Variants in BPTF observed in about 807,000 individuals in gnomAD.
The protein encoded by BPTF is nucleosome-remodeling factor subunit BPTF.
In BPTF, 18 loss-of-function variants were observed where a neutral mutation model predicts 292.5. That is an observed-to-expected ratio of 0.06 (90% CI 0.04 to 0.09). The LOEUF is 0.09. Ranked by LOEUF, BPTF falls within the 10% of genes least tolerant of loss-of-function variation. BPTF has a pLI of 1.00. For missense variants in BPTF, 2,726 were observed against 3,498.7 expected, an observed-to-expected ratio of 0.78 and a Z score of 5.57; for synonymous variants, 1,225 against 1,251.9, an observed-to-expected ratio of 0.98 and a Z score of 0.45.
At chr17:67,931,549 A>G (rs925569902) in intron 17 of BPTF, among the ~76,000 whole-genome samples, 1 of 152,188 alleles carries the variant, frequency 6.6e-6, no homozygotes, top group African/African-American at 2.4e-5. Context: ...TCTTCCTGTT[A>G]TATTCTGTGG....
chr17:67,912,822 C>T lies in BPTF; in HGVS notation c.4938C>T (p.Ile1646=). The change falls in exon 11 of 28, where the codon ATC becomes ATT. Residue 1646 remains isoleucine, a synonymous_variant. Coordinates refer to ENST00000306378, the MANE Select transcript of BPTF (RefSeq NM_182641.4). The part of the protein sequence containing the change: ...STPSTGGSVD[I]ISVKEQSKTV... ...CCTCCACAGGCGGCAGTGTGGACAT[C>T]ATCTCTGTAAAGGAGCAGAGCAAAA... The T allele has an allele frequency of 6.2e-7, 1 of 1,614,186 alleles. No homozygotes were observed. The highest frequency in any genetic ancestry group is 8.5e-7 in the Non-Finnish European group (1 of 1,180,014).
intron 26 of BPTF, among the ~76,000 whole-genome samples, chr17:67,968,782 G>A (rs1384587163): frequency 9.1e-5 from 5 of 54,862 alleles, no homozygotes; most frequent in East Asian, 1.4e-3. Flanking sequence ...AGCGAGACAC[G>A]TCTCAAAAAA....
chr17:67,917,203 G>A (rs2063094641), intron 11 of BPTF, among the ~76,000 whole-genome samples: 1 of 147,986 alleles, frequency 6.8e-6, no homozygotes, highest in Non-Finnish European at 1.5e-5. Flanking sequence ...AGCGATCTCG[G>A]CTCACTGCAA....
intron 2 of BPTF, among the ~76,000 whole-genome samples, chr17:67,860,668 A>T (rs1175619311): frequency 6.6e-6 from 1 of 152,212 alleles, no homozygotes; most frequent in Non-Finnish European, 1.5e-5. Flanking sequence ...ACCAGATTAG[A>T]TTAGCATGTT....
intron 23 of BPTF, among the ~76,000 whole-genome samples, chr17:67,953,166 T>C (rs2066549156): frequency 6.6e-6 from 1 of 152,116 alleles, no homozygotes; most frequent in African/African-American, 2.4e-5. Context: ...TTTCACCATG[T>C]TAGCCAGGAT....
intron 4 of BPTF, chr17:67,886,270 T>C: frequency 1.2e-6 from 2 of 1,613,942 alleles, no homozygotes; most frequent in Non-Finnish European, 1.7e-6. Context: ...ATCCTGAAAA[T>C]GGAGAAAGAG....
At chr17:67,838,186 A>C (rs1183163211) in intron 1 of BPTF, among the ~76,000 whole-genome samples, 1 of 152,254 alleles carries the variant, frequency 6.6e-6, no homozygotes, top group African/African-American at 2.4e-5. Flanking sequence ...ACAAATGAGC[A>C]TGGCTGCTTT....
chr17:67,852,996 G>A (rs1309918810), intron 1 of BPTF, among the ~76,000 whole-genome samples: 1 of 152,212 alleles, frequency 6.6e-6, no homozygotes, highest in African/African-American at 2.4e-5. Context: ...AATTAGCTGG[G>A]GTGGTGGCGC....
intron 1 of BPTF, among the ~76,000 whole-genome samples, chr17:67,843,160 A>G (rs1390015769): frequency 4.7e-5 from 7 of 148,966 alleles, no homozygotes; most frequent in Admixed American, 3.3e-4. Flanking sequence ...ATATATATCT[A>G]CATATATAGA....
At chr17:67,897,173 A>C (rs551564123) in intron 7 of BPTF, among the ~76,000 whole-genome samples, 7 of 149,546 alleles carry the variant, frequency 4.7e-5, no homozygotes, top group Non-Finnish European at 7.4e-5. Context: ...CTTAAAAAAA[A>C]CAAAAACAAA....
intron 11 of BPTF, among the ~76,000 whole-genome samples, chr17:67,916,635 G>A (rs781461878): frequency 2.6e-5 from 4 of 151,822 alleles, no homozygotes; most frequent in Non-Finnish European, 4.4e-5. Flanking sequence ...ATGTTTGGGC[G>A]GGCGCCTGTA....
At chr17:67,941,919 A>G (rs2065398051) in intron 19 of BPTF, among the ~76,000 whole-genome samples, 1 of 152,246 alleles carries the variant, frequency 6.6e-6, no homozygotes, top group Admixed American at 6.5e-5. Context: ...ATGAGAAAAG[A>G]ACCAACCAAG....
intron 23 of BPTF, among the ~76,000 whole-genome samples, chr17:67,949,717 A>C (rs2066131254): frequency 6.6e-6 from 1 of 151,960 alleles, no homozygotes; most frequent in South Asian, 2.1e-4. Context: ...GTATATATAT[A>C]ATTTACACAT....
At chr17:67,843,933 TTTATTA>T (rs1186615001) in intron 1 of BPTF, among the ~76,000 whole-genome samples, 2 of 149,600 alleles carry the variant, frequency 1.3e-5, no homozygotes, top group East Asian at 3.9e-4. Flanking sequence ...GGCCGGCTAA[TTTATTA>T]TTATTAGTAG....
chr17:67,968,781 C>T (rs1303995761), intron 26 of BPTF, among the ~76,000 whole-genome samples: 1 of 74,124 alleles, frequency 1.3e-5, no homozygotes, highest in Non-Finnish European at 3.1e-5. Context: ...GAGCGAGACA[C>T]GTCTCAAAAA....
At chr17:67,968,319 G>A (rs2068356953) in intron 26 of BPTF, among the ~76,000 whole-genome samples, 2 of 151,068 alleles carry the variant, frequency 1.3e-5, no homozygotes, top group African/African-American at 4.9e-5. Flanking sequence ...ACGTAATGAA[G>A]TAGTTATTAT....
chr17:67,943,030 TTA>T (rs2065507879), intron 19 of BPTF, among the ~76,000 whole-genome samples: 1 of 152,124 alleles, frequency 6.6e-6, no homozygotes. Context: ...CTCAGTGGCC[TTA>T]TATATACCTA....
chr17:67,938,647 A>G (rs1365124669), intron 18 of BPTF, among the ~76,000 whole-genome samples: 1 of 152,342 alleles, frequency 6.6e-6, no homozygotes, highest in East Asian at 1.9e-4. Context: ...CTTCCGTGTT[A>G]CAACATATAC....
chr17:67,902,403 T>G (rs374904683), intron 7 of BPTF, among the ~76,000 whole-genome samples: 5 of 152,164 alleles, frequency 3.3e-5, no homozygotes, highest in African/African-American at 1.2e-4. Flanking sequence ...CCCGCCTTAC[T>G]CCTGTAGCCT....
Sources: allele counts gnomAD v4.1 joint callset (sites outside exome capture counted in the v4.1 genomes callset), GRCh38; gene constraint gnomAD v4.1.1; transcripts MANE v1.5; gene names NCBI Gene and HGNC (gene_info 2026-07-23, HGNC 2026-07-21).